DDX31: variants seen among roughly 807,000 people sequenced by gnomAD.
DDX31 encodes the protein DEAD-box helicase 31, also known as ATP-dependent DNA helicase DDX31.
In DDX31, 70 loss-of-function variants were observed where a neutral mutation model predicts 91.3. The observed-to-expected ratio is 0.77, with a 90% CI of 0.63 to 0.94. DDX31 has a LOEUF of 0.94. Ranked by LOEUF, DDX31 falls within the 40% of genes least tolerant of loss-of-function variation. The probability of loss-of-function intolerance (pLI) is 0.00; values close to 1 mark genes in which losing one functional copy is unlikely to be tolerated. For missense variants in DDX31, 902 were observed against 925.0 expected, an observed-to-expected ratio of 0.98 and a Z score of 0.32; for synonymous variants, 362 against 350.6, an observed-to-expected ratio of 1.03 and a Z score of -0.36.
intron 6 of DDX31, among the ~76,000 whole-genome samples, chr9:132,657,294 G>T (rs906167652): frequency 6.6e-6 from 1 of 151,946 alleles, no homozygotes; most frequent in East Asian, 1.9e-4. Context: ...ACAAAATTTT[G>T]CATAAAAAAA....
intron 12 of DDX31, 117 bp downstream of exon 12, chr9:132,646,706 G>T: frequency 1.1e-6 from 1 of 933,840 alleles, no homozygotes; most frequent in Non-Finnish European, 1.7e-6. Context: ...CCGGAATGCA[G>T]ACATAAGTTG....
intron 19 of DDX31, among the ~76,000 whole-genome samples, chr9:132,597,878 G>A (rs1273506496): frequency 6.6e-6 from 1 of 152,228 alleles, no homozygotes; most frequent in African/African-American, 2.4e-5. Context: ...CCACTGAATA[G>A]GAACAGGAGG....
chr9:132,593,803 G>GGA lies in DDX31; in HGVS notation c.*1061_*1062dup, dbSNP rs1830308794. On this transcript the variant is annotated 3_prime_UTR_variant, in exon 20 of 20. Coordinates refer to ENST00000372159, the MANE Select transcript of DDX31 (RefSeq NM_022779.9). Reference sequence around the variant, plus strand: ...AGTGGTGCCTCAACACTGGTCCTGGGGAGACCACAGAGGGCGGCACAGTCA... The same window carrying GGA: ...AGTGGTGCCTCAACACTGGTCCTGGGGAGAGACCACAGAGGGCGGCACAGTCA... The GGA allele has an allele frequency of 6.6e-6, 1 of 152,314 alleles. No individual in the cohort carries two copies. The highest frequency in any genetic ancestry group is 2.1e-4 in the South Asian group (1 of 4,822). 9.4% of individuals were successfully genotyped at this position (152,314 alleles called of 1,614,324 possible).
Position 132,642,196 on chromosome 9 carries a change from G to A in DDX31, c.1381-133C>T, listed in dbSNP as rs1365435974. On this transcript the variant is annotated intron_variant, in intron 13 of 19. Transcript: ENST00000372159. The stretch of plus-strand genomic sequence containing the variant: ...AGGCACAGAGAGGTTTGCCAGGAAA[G>A]AGGAAGAAGCGGATTCTTTACATCT... 8.9e-6 allele frequency: 7 copies of A among 784,558 alleles called. No homozygotes were observed. The South Asian group carries it at 9.8e-5, about 11-fold the overall frequency. The allele number at this position is 784,558 out of a possible 1,614,324, so 48.6% of individuals were successfully genotyped here. A position where few individuals can be genotyped will look rare whatever the true frequency, so the allele number is the denominator to read the frequency against.
intron 17 of DDX31, among the ~76,000 whole-genome samples, chr9:132,619,915 C>T (rs1831905876): frequency 6.7e-6 from 1 of 150,112 alleles, no homozygotes; most frequent in East Asian, 2.0e-4. Flanking sequence ...GTGAAATTAG[C>T]GAGGATGCCC....
In DDX31 at chr9:132,623,393, T is replaced by TA. The variant is rs534138337; in HGVS notation, c.1713+2270dup. Among the ~76,000 whole-genome samples, 78 of 150,608 alleles carry TA rather than the reference T, an allele frequency of 5.2e-4. 1 individual carries two copies. Among genetic ancestry groups the TA allele is most frequent in the Admixed American group, 1.2e-3 (18 of 15,194 alleles). On this transcript the variant is annotated intron_variant, in intron 17 of 19. Coordinates refer to ENST00000372159, the MANE Select transcript of DDX31 (RefSeq NM_022779.9). The stretch of plus-strand genomic sequence containing the variant: ...CAACATAGTGAAACCCCGTCTCTAC[T>TA]AAAAATACGAAAATTAGGTGGGCAT...
chr9:132,594,999 G>A lies in DDX31; in HGVS notation c.2108C>T (p.Pro703Leu), dbSNP rs1269000129. The A allele has an allele frequency of 3.7e-6, 6 of 1,614,082 alleles. No individual in the cohort carries two copies. The highest frequency in any genetic ancestry group is 2.7e-5 in the African/African-American group (2 of 74,936). ...CAGGGGCCGGCCACCAGGCTCTCCA[G>A]GTGCGTTTTGCTTTTTGACCTTGGC... ...DIAKVKKQNA[P>L]GEPGGRPLQH... is the part of the protein sequence containing the mutation. The change falls in exon 20 of 20, where the codon CCT becomes CTT. Residue 703 changes from proline (P) to leucine (L), a missense_variant. Coordinates refer to ENST00000372159, the MANE Select transcript of DDX31 (RefSeq NM_022779.9).
intron 9 of DDX31, among the ~76,000 whole-genome samples, chr9:132,649,088 A>T (rs1357336685): frequency 6.6e-6 from 1 of 152,162 alleles, no homozygotes; most frequent in African/African-American, 2.4e-5. Context: ...CCGTAATAAA[A>T]GCTTCCAATT....
chr9:132,659,715 C>T lies in DDX31; in HGVS notation c.518G>A (p.Gly173Asp), dbSNP rs1431998134. 1.2e-6 allele frequency: 2 copies of T among 1,609,560 alleles called. No individual in the cohort carries two copies. The highest frequency in any genetic ancestry group is 2.7e-5 in the African/African-American group (2 of 74,820). The change falls in exon 5 of 20, where the codon GGC becomes GAC. Residue 173 changes from glycine to aspartate, a missense_variant. By Grantham distance (94) the Gly-to-Asp change is moderately conservative (BLOSUM62 -1). Coordinates refer to ENST00000372159, the MANE Select transcript of DDX31 (RefSeq NM_022779.9). ...AGAGATGAAATGAGACTAACCTGAG[C>T]CCGTCTGGGATCTCACGAGAGCATC... ...GRDALVRSQTGSGKTLAYCIP... is the reference protein window; with the variant it reads ...GRDALVRSQTDSGKTLAYCIP...
Position 132,662,530 on chromosome 9 carries a change from C to T in DDX31, c.241G>A (p.Val81Ile). 6.2e-7 allele frequency: 1 copy of T among 1,614,212 alleles called. No homozygotes were observed. Among genetic ancestry groups the T allele is most frequent in the Non-Finnish European group, 8.5e-7 (1 of 1,180,036 alleles). The change falls in exon 2 of 20, where the codon GTT (valine) becomes ATT (isoleucine). Residue 81 changes from valine (V) to isoleucine (I), a missense_variant. Transcript: ENST00000372159. ...TCCTGGTTTCTATCACTTGTGCTAA[C>T]CGAATGCTTCTTTGGAGAAAACATT... ...QKMFSPKKHS[V>I]STSDRNQEER...
intron 19 of DDX31, among the ~76,000 whole-genome samples, chr9:132,607,419 T>C (rs1831085879): frequency 6.6e-6 from 1 of 152,236 alleles, no homozygotes; most frequent in Non-Finnish European, 1.5e-5. Flanking sequence ...AAGAGGAAGC[T>C]AGGAGCAACA....
chr9:132,651,158 CCT>C (rs1834161450), intron 7 of DDX31, 42 bp from the exon 8 acceptor site: 6 of 1,518,110 alleles, frequency 4.0e-6, no homozygotes, highest in South Asian at 2.4e-5. Flanking sequence ...ACAGGATCCC[CCT>C]TTTTTTTTTT....
intron 1 of DDX31, among the ~76,000 whole-genome samples, chr9:132,665,080 G>A (rs1180276669): frequency 2.0e-5 from 3 of 152,128 alleles, no homozygotes; most frequent in African/African-American, 7.2e-5. Flanking sequence ...CACGGAACTC[G>A]TTGTTTTATG....
rs765366527 is a variant in DDX31 at position 132,630,384 on chromosome 9, G to A, written c.1511C>T (p.Pro504Leu). The change falls in exon 16 of 20, where the codon CCT (proline) becomes CTT (leucine). Residue 504 changes from proline to leucine, a missense_variant. Physicochemically the swap from Pro to Leu is moderately conservative, Grantham distance 98 (BLOSUM62 -3). Transcript: ENST00000372159. ...TCCAATCCGGTGGATGTATTCTGCA[G>A]GTGAAGATGGAGCGTTGTACTAAAA... Reference protein sequence around the residue: ...WIVQYNAPSSPAEYIHRIGRT... With the variant: ...WIVQYNAPSSLAEYIHRIGRT... 21 of 1,598,408 alleles carry A rather than the reference G, an allele frequency of 1.3e-5. No individual in the cohort carries two copies. Among genetic ancestry groups the A allele is most frequent in the Non-Finnish European group, 1.8e-5 (21 of 1,167,244 alleles).
intron 7 of DDX31, among the ~76,000 whole-genome samples, chr9:132,651,493 C>A (rs11243863): frequency 0.079 from 12,026 of 152,148 alleles, 646 homozygotes; most frequent in Admixed American, 0.14. Context: ...ATAATATGTA[C>A]GCAGAGTAAA....
At chr9:132,646,220 A>C in intron 12 of DDX31, 149 bp from the exon 13 acceptor site, 2 of 792,808 alleles carry the variant, frequency 2.5e-6, no homozygotes, top group Non-Finnish European at 3.9e-6. Context: ...CAAAAACAAA[A>C]ACAGTGATAC....
intron 7 of DDX31, 62 bp from the exon 8 acceptor site, chr9:132,651,178 CA>C: frequency 7.4e-7 from 1 of 1,355,274 alleles, no homozygotes; most frequent in Non-Finnish European, 1.0e-6. Flanking sequence ...TTTTTAAAGA[CA>C]ATTTAATGTG....
rs1213915526 is a variant in DDX31, at chr9:132,662,710, G to C, written c.76-15C>G. ...GCCTTTGCTTGCTGCGTTGTTCCCA[G>C]AAGGAAAGATCAACAAGAGATGCAT... On this transcript the variant is annotated splice_polypyrimidine_tract_variant and intron_variant, in intron 1 of 19. Coordinates refer to ENST00000372159, the MANE Select transcript of DDX31 (RefSeq NM_022779.9). The C allele has an allele frequency of 1.9e-6, 3 of 1,613,610 alleles. No individual in the cohort carries two copies. In the East Asian group the frequency reaches 6.7e-5, roughly 36 times the overall value.
Position 132,630,263 on chromosome 9 carries a change from C to T in DDX31, c.1631+1G>A. ...AAACCCCATTCAGGTTTCTGACTCA[C>T]TTGATTTTGTGAGAAGCCAACGAGT... On this transcript the variant is annotated splice_donor_variant, in intron 16 of 19. Coordinates refer to ENST00000372159, the MANE Select transcript of DDX31 (RefSeq NM_022779.9). LOFTEE classifies it high-confidence loss of function. The T allele has an allele frequency of 6.4e-7, 1 of 1,573,560 alleles. No homozygotes were observed. The highest frequency in any genetic ancestry group is 8.7e-7 in the Non-Finnish European group (1 of 1,148,938).
Sources: allele counts gnomAD v4.1 joint callset (sites outside exome capture counted in the v4.1 genomes callset), GRCh38; gene constraint gnomAD v4.1.1; transcripts MANE v1.5; gene names NCBI Gene and HGNC (gene_info 2026-07-23, HGNC 2026-07-21).